Variants in SELENOF observed in about 807,000 individuals in gnomAD.
SELENOF encodes selenoprotein F, also known as 15 kDa selenoprotein.
In SELENOF, 16 loss-of-function variants were observed where a neutral mutation model predicts 20.5. The ratio of observed to expected loss-of-function variants is 0.78; its 90% CI spans 0.53 to 1.19. The LOEUF is 1.19. Among genes scored for constraint, SELENOF ranks in the 50% most tolerant of loss-of-function variants. The probability of loss-of-function intolerance (pLI) is 0.00; values close to 1 mark genes in which losing one functional copy is unlikely to be tolerated. For synonymous variants in SELENOF, 78 were observed against 74.5 expected (o/e 1.05, Z -0.24); for missense variants, 215 against 194.2 (o/e 1.11, Z -0.64).
rs139658784 is a variant in SELENOF at position 86,890,405 on chromosome 1, G to A, written c.253-9680C>T. On this transcript the variant is annotated intron_variant, in intron 2 of 4. Coordinates refer to ENST00000331835, the MANE Select transcript of SELENOF (RefSeq NM_004261.5). ...AATTCTTTTAAAAAAATCAATGCATGTGGACATAATAAAAAAAGTATAAAA... is the reference window on the plus strand; with the variant it reads ...AATTCTTTTAAAAAAATCAATGCATATGGACATAATAAAAAAAGTATAAAA... 2.6e-3 allele frequency among the ~76,000 whole-genome samples: 392 copies of A among 152,254 alleles called. 3 individuals are homozygous for A. Among genetic ancestry groups the A allele is most frequent in the African/African-American group, 9.0e-3 (373 of 41,546 alleles).
At chr1:86,899,797 G>A (rs1490555961) in intron 2 of SELENOF, among the ~76,000 whole-genome samples, 2 of 150,330 alleles carry the variant, frequency 1.3e-5, no homozygotes, top group African/African-American at 4.9e-5. Flanking sequence ...CAGACGGGGC[G>A]GCTGCCGGGC....
intron 4 of SELENOF, 123 bp from the exon 5 acceptor site, chr1:86,863,728 C>A: frequency 7.8e-6 from 6 of 766,916 alleles, no homozygotes; most frequent in South Asian, 2.5e-5. Context: ...TTAGACATGA[C>A]AATAAACAAG....
intron 2 of SELENOF, among the ~76,000 whole-genome samples, chr1:86,895,612 C>T (rs541225378): frequency 3.9e-5 from 6 of 152,218 alleles, no homozygotes; most frequent in Non-Finnish European, 8.8e-5. Context: ...TCTAGACAGT[C>T]TGGTTCTATA....
chr1:86,908,541 C>A (rs893423404), intron 1 of SELENOF, among the ~76,000 whole-genome samples: 2 of 152,186 alleles, frequency 1.3e-5, no homozygotes, highest in East Asian at 3.8e-4. Context: ...GCTCTCTATG[C>A]CCCTAACCAC....
chr1:86,893,528 G>C (rs514343), intron 2 of SELENOF, among the ~76,000 whole-genome samples: 62 of 144,422 alleles, frequency 4.3e-4, no homozygotes, highest in African/African-American at 1.6e-3. Flanking sequence ...TGAGGCTGGG[G>C]AATTGCTTGA....
intron 3 of SELENOF, among the ~76,000 whole-genome samples, chr1:86,880,212 T>G (rs1050769218): frequency 6.6e-6 from 1 of 151,948 alleles, no homozygotes; most frequent in East Asian, 1.9e-4. Context: ...CTCGGCTCAC[T>G]GCAACCTCTG....
At chr1:86,887,132 G>C (rs1047472095) in intron 2 of SELENOF, 2 of 1,520,322 alleles carry the variant, frequency 1.3e-6, no homozygotes, top group Non-Finnish European at 1.8e-6. Context: ...CATACTTTCT[G>C]ATTAATGACA....
intron 3 of SELENOF, among the ~76,000 whole-genome samples, chr1:86,868,815 G>A (rs1557453089): frequency 1.3e-5 from 2 of 151,936 alleles, no homozygotes; most frequent in African/African-American, 4.8e-5. Context: ...TTATAGATAC[G>A]CCTATGTAAA....
At chr1:86,900,530 T>C (rs1228339811) in intron 2 of SELENOF, among the ~76,000 whole-genome samples, 1 of 151,828 alleles carries the variant, frequency 6.6e-6, no homozygotes, top group Non-Finnish European at 1.5e-5. Flanking sequence ...TGAGCCGAGA[T>C]GGCAGCAGTA....
At chr1:86,907,132 T>C (rs1028804866) in intron 1 of SELENOF, among the ~76,000 whole-genome samples, 1 of 152,204 alleles carries the variant, frequency 6.6e-6, no homozygotes, top group Non-Finnish European at 1.5e-5. Flanking sequence ...ATCACAGAGC[T>C]ACCTTATTTC....
intron 2 of SELENOF, 70 bp from the exon 3 acceptor site, chr1:86,880,795 A>T: frequency 9.7e-7 from 1 of 1,028,038 alleles, no homozygotes; most frequent in Non-Finnish European, 1.4e-6. Flanking sequence ...ATAAATATAA[A>T]TTTTCACAGT....
chr1:86,866,383 G>C (rs1053694860), intron 4 of SELENOF, among the ~76,000 whole-genome samples: 4 of 147,586 alleles, frequency 2.7e-5, no homozygotes, highest in African/African-American at 9.9e-5. Flanking sequence ...TCCACTCATA[G>C]TAAGTATCTG....
At chr1:86,874,036 T>C (rs1187769176) in intron 3 of SELENOF, among the ~76,000 whole-genome samples, 2 of 151,580 alleles carry the variant, frequency 1.3e-5, no homozygotes, top group African/African-American at 2.4e-5. Context: ...TTCTCAAATG[T>C]GTTCAATGAA....
intron 3 of SELENOF, among the ~76,000 whole-genome samples, chr1:86,877,041 T>C (rs1658940695): frequency 6.6e-6 from 1 of 152,230 alleles, no homozygotes; most frequent in Non-Finnish European, 1.5e-5. Flanking sequence ...TGGTTCATAA[T>C]TGAAACTTAT....
rs1658659188 is a variant in SELENOF, at chr1:86,868,053, C to T, written c.366G>A (p.Lys122=). 1 of 1,462,764 alleles carries T rather than the reference C, an allele frequency of 6.8e-7. No individual in the cohort carries two copies. The highest frequency in any genetic ancestry group is 9.2e-7 in the Non-Finnish European group (1 of 1,081,690). The allele number at this position is 1,462,764 out of a possible 1,614,324, so 90.6% of individuals were successfully genotyped here. ...GAGATCTCCACTACAATCACCTTAC[C>T]TTGATTTGCAGTCCTCTGAACAGTT... is the stretch of plus-strand genomic sequence containing the variant. The part of the protein sequence containing the change: ...KPKLFRGLQI[K]YVRGSDPVLK... Residue 122 remains lysine, a splice_region_variant and synonymous_variant, in exon 4 of 5, where the codon AAG becomes AAA. Transcript: ENST00000331835.
intron 2 of SELENOF, chr1:86,887,174 T>C (rs548907316): frequency 6.8e-5 from 105 of 1,543,108 alleles, no homozygotes; most frequent in Admixed American, 4.8e-4. Context: ...ATGGCATTCT[T>C]GCTTAGAAAC....
chr1:86,903,243 A>C, intron 2 of SELENOF, 38 bp downstream of exon 2: 1 of 1,566,890 alleles, frequency 6.4e-7, no homozygotes, highest in Non-Finnish European at 8.7e-7. Flanking sequence ...TATCTCAACT[A>C]AACCATCCAA....
At chr1:86,871,438 G>C (rs547800257) in intron 3 of SELENOF, among the ~76,000 whole-genome samples, 1 of 152,088 alleles carries the variant, frequency 6.6e-6, no homozygotes, top group Non-Finnish European at 1.5e-5. Flanking sequence ...GGATTCAAAA[G>C]AATTTTCTCT....
chr1:86,913,959 G>A, intron 1 of SELENOF, 69 bp downstream of exon 1: 1 of 1,418,128 alleles, frequency 7.1e-7, no homozygotes, highest in Non-Finnish European at 1.0e-6. Flanking sequence ...AGGACCGAAT[G>A]TTGCGTCTTT....
Sources: allele counts gnomAD v4.1 joint callset (sites outside exome capture counted in the v4.1 genomes callset), GRCh38; gene constraint gnomAD v4.1.1; transcripts MANE v1.5; gene names NCBI Gene and HGNC (gene_info 2026-07-23, HGNC 2026-07-21).